Variants in MMP1 observed in about 807,000 individuals in gnomAD.
MMP1 encodes matrix metallopeptidase 1.
Under a neutral mutation model 49.6 loss-of-function variants are expected in MMP1, and 51 were observed. The observed-to-expected ratio is 1.03, with a 90% CI of 0.82 to 1.30. MMP1 has a LOEUF of 1.30. Ranked by LOEUF, MMP1 falls within the 50% of genes most tolerant of loss-of-function variation. The probability of loss-of-function intolerance (pLI) is 0.00; values close to 1 mark genes in which losing one functional copy is unlikely to be tolerated. For missense variants in MMP1, 623 were observed against 568.7 expected (o/e 1.10, Z -0.97); for synonymous variants, 230 against 196.8 (o/e 1.17, Z -1.41).
Position 102,795,460 on chromosome 11 carries a change from G to C in MMP1, c.773C>G (p.Ala258Gly), listed in dbSNP as rs1400045831. The change falls in exon 5 of 10, where the codon GCC (alanine) becomes GGC (glycine). Residue 258 changes from alanine (A) to glycine (G), a missense_variant. Ala to Gly is a moderately conservative substitution (Grantham distance 60, BLOSUM62 0). Transcript: ENST00000315274. ...TTTTTCCCCATACTCACCATATATG[G>C]CTTGGATGCCATCAATGTCATCCTG... is the stretch of plus-strand genomic sequence containing the variant. Reference protein sequence around the residue: ...LAQDDIDGIQAIYGRSQNPVQ... With the variant: ...LAQDDIDGIQGIYGRSQNPVQ... 9 of 1,613,470 alleles carry C rather than the reference G, an allele frequency of 5.6e-6. No individual in the cohort carries two copies. The highest frequency in any genetic ancestry group is 8.5e-7 in the Non-Finnish European group (1 of 1,179,904).
chr11:102,792,789 T>C (rs1858069486), intron 6 of MMP1, 51 bp from the exon 7 acceptor site: 4 of 1,553,320 alleles, frequency 2.6e-6, no homozygotes, highest in Non-Finnish European at 3.5e-6. Flanking sequence ...TGGTAATCTC[T>C]GGCAGATATC....
At chr11:102,792,364 A>C (rs1156627747) in intron 7 of MMP1, among the ~76,000 whole-genome samples, 2 of 152,204 alleles carry the variant, frequency 1.3e-5, no homozygotes, top group Non-Finnish European at 2.9e-5. Flanking sequence ...ATTTTTGTAA[A>C]TCTAGATTCA....
chr11:102,789,944 T>C lies in MMP1; in HGVS notation c.*468A>G, dbSNP rs1363333461. The C allele has an allele frequency of 6.6e-6, 1 of 152,352 alleles. No individual in the cohort carries two copies. Among genetic ancestry groups the C allele is most frequent in the Non-Finnish European group, 1.5e-5 (1 of 68,138 alleles). The allele number at this position is 152,352 out of a possible 1,614,324, so 9.4% of individuals were successfully genotyped here. On this transcript the variant is annotated 3_prime_UTR_variant, in exon 10 of 10. Coordinates refer to ENST00000315274, the MANE Select transcript of MMP1 (RefSeq NM_002421.4). ...TAAAACAGTAGAAACAAGGTTGACT[T>C]TATTCCAAACATAAAACACTTATTT...
rs758013768 is a variant in MMP1, at chr11:102,795,225, G to T, written c.848C>A (p.Thr283Asn). 2.4e-5 allele frequency: 39 copies of T among 1,613,996 alleles called. No individual in the cohort carries two copies. The highest frequency in any genetic ancestry group is 3.2e-5 in the Non-Finnish European group (38 of 1,180,000). The change falls in exon 6 of 10, where the codon ACC becomes AAC. Residue 283 changes from threonine (T) to asparagine (N), a missense_variant. Thr to Asn is a moderately conservative substitution (Grantham distance 65). Coordinates refer to ENST00000315274, the MANE Select transcript of MMP1 (RefSeq NM_002421.4). ...CCGAATCGTAGTTATAGCATCAAAG[G>T]TTAGCTTACTGTCACACGCTTTTGG... ...QTPKACDSKL[T>N]FDAITTIRGE...
At chr11:102,790,608 A>G in intron 9 of MMP1, 87 bp from the exon 10 acceptor site, 1 of 1,293,968 alleles carries the variant, frequency 7.7e-7, no homozygotes, top group South Asian at 1.2e-5. Flanking sequence ...TTCATCTGTG[A>G]GCACAGATAT....
chr11:102,792,675 C>A lies in MMP1; in HGVS notation c.963G>T (p.Trp321Cys), dbSNP rs769079996. The change falls in exon 7 of 10, where the codon TGG (tryptophan) becomes TGT (cysteine). Residue 321 changes from tryptophan (W) to cysteine (C), a missense_variant. Transcript: ENST00000315274. ...CTTCAAGCCCATTTGGCAGTTGTGG[C>A]CAGAAAACAGAAATGAAATTGAGCT... ...EVELNFISVFWPQLPNGLEAA... is the reference protein window; with the variant it reads ...EVELNFISVFCPQLPNGLEAA... 1.9e-6 allele frequency: 3 copies of A among 1,613,742 alleles called. No individual in the cohort carries two copies. In the Admixed American group the frequency reaches 5.0e-5, roughly 27 times the overall value.
At position 102,795,277 on chromosome 11, in the gene MMP1, G is replaced by A. The variant is rs1858150119; in HGVS notation, c.796C>T (p.Pro266Ser). The A allele has an allele frequency of 2.0e-5, 32 of 1,614,072 alleles. No individual in the cohort carries two copies. Among genetic ancestry groups the A allele is most frequent in the Non-Finnish European group, 2.6e-5 (31 of 1,179,998 alleles). The part of the protein sequence containing the change: ...IQAIYGRSQN[P>S]VQPIGPQTPK... ...GTTTGTGGGCCGATGGGCTGGACAG[G>A]ATTTTGGGAACGTCCTAAGGAAAAT... Residue 266 changes from proline (P) to serine (S), a missense_variant, in exon 6 of 10, where the codon CCT (proline) becomes TCT (serine). By Grantham distance (74) the Pro-to-Ser change is moderately conservative (BLOSUM62 -1). Coordinates refer to ENST00000315274, the MANE Select transcript of MMP1 (RefSeq NM_002421.4).
chr11:102,797,336 G>C lies in MMP1; in HGVS notation c.270C>G (p.Pro90=), dbSNP rs1339635788. Residue 90 remains proline, a synonymous_variant, in exon 2 of 10, where the codon CCC becomes CCG. Coordinates refer to ENST00000315274, the MANE Select transcript of MMP1 (RefSeq NM_002421.4). ...DAETLKVMKQ[P]RCGVPDVAQF... ...GAGCCACATCAGGCACTCCACATCT[G>C]GGCTGCTTCATCACCTTCAGGGTTT... 2 of 1,614,022 alleles carry C rather than the reference G, an allele frequency of 1.2e-6. No individual in the cohort carries two copies.
At chr11:102,795,332 T>C (rs1390513149) in intron 5 of MMP1, 41 bp from the exon 6 acceptor site, 2 of 1,606,728 alleles carry the variant, frequency 1.2e-6, no homozygotes, top group Admixed American at 1.7e-5. Context: ...TTGCCTAGTA[T>C]TAGAAAACTA....
intron 8 of MMP1, 88 bp from the exon 9 acceptor site, chr11:102,790,894 T>G (rs1269899286): frequency 2.6e-6 from 2 of 770,990 alleles, no homozygotes; most frequent in Non-Finnish European, 4.5e-6. Flanking sequence ...ATGAGGAATT[T>G]AACCAGAATA....
At position 102,796,585 on chromosome 11, in the gene MMP1, C is replaced by G; in HGVS notation, c.625+79G>C. ...AAATATATACTTCTATGAATGCATT[C>G]TTTCAACTAAATCAACCAATATTAC... On this transcript the variant is annotated intron_variant, in intron 4 of 9. Transcript: ENST00000315274. The G allele has an allele frequency of 2.7e-6, 4 of 1,500,790 alleles. No individual in the cohort carries two copies. In the South Asian group the frequency reaches 5.3e-5, roughly 20 times the overall value. 93.0% of individuals were successfully genotyped at this position (1,500,790 alleles called of 1,614,324 possible). A position where few individuals can be genotyped will look rare whatever the true frequency, so the allele number is the denominator to read the frequency against.
chr11:102,792,492 C>T lies in MMP1; in HGVS notation c.1033+113G>A, dbSNP rs561438318. 71 of 1,078,006 alleles carry T rather than the reference C, an allele frequency of 6.6e-5. No homozygotes were observed. The African/African-American group carries it at 1.0e-3, about 15-fold the overall frequency. The allele number at this position is 1,078,006 out of a possible 1,614,324, so 66.8% of individuals were successfully genotyped here. A position where few individuals can be genotyped will look rare whatever the true frequency, so the allele number is the denominator to read the frequency against. ...ACTTTCATTGATTTGGTTGGTGAGA[C>T]TGAGATTTTCAAAAGTCCCTGGAGA... On this transcript the variant is annotated intron_variant, in intron 7 of 9. Coordinates refer to ENST00000315274, the MANE Select transcript of MMP1 (RefSeq NM_002421.4).
intron 4 of MMP1, among the ~76,000 whole-genome samples, chr11:102,796,321 G>T (rs560145844): frequency 1.3e-5 from 2 of 152,276 alleles, no homozygotes; most frequent in South Asian, 4.1e-4. Flanking sequence ...AACACAAAAA[G>T]CCTTCCTTTT....
chr11:102,790,653 T>C (rs762524444), intron 9 of MMP1, 50 bp downstream of exon 9: 1 of 1,372,074 alleles, frequency 7.3e-7, no homozygotes, highest in Non-Finnish European at 1.0e-6. Context: ...ACAATAATGA[T>C]GTTATTGCTA....
At chr11:102,792,439 G>A (rs992492303) in intron 7 of MMP1, among the ~76,000 whole-genome samples, 166 bp downstream of exon 7, 4 of 152,134 alleles carry the variant, frequency 2.6e-5, no homozygotes, top group African/African-American at 7.2e-5. Context: ...TCCAAAATGC[G>A]CTACGCACCG....
chr11:102,792,865 C>A, intron 6 of MMP1, 127 bp from the exon 7 acceptor site: 1 of 829,548 alleles, frequency 1.2e-6, no homozygotes. Flanking sequence ...ATTCAGCTCT[C>A]CAAAGAAGGG....
Position 102,790,228 on chromosome 11 carries a change from A to T in MMP1, c.*184T>A. 2.3e-6 allele frequency: 1 copy of T among 433,156 alleles called. No individual in the cohort carries two copies. The highest frequency in any genetic ancestry group is 4.1e-6 in the Non-Finnish European group (1 of 244,172). The allele number at this position is 433,156 out of a possible 1,614,324, so 26.8% of individuals were successfully genotyped here. On this transcript the variant is annotated 3_prime_UTR_variant, in exon 10 of 10. Transcript: ENST00000315274. ...TACCCACCATTTGTGGAACTAAATTATATCAGTACAAAAAGGGCTACATTC... is the reference window on the plus strand; with the variant it reads ...TACCCACCATTTGTGGAACTAAATTTTATCAGTACAAAAAGGGCTACATTC...
At chr11:102,796,623 AG>A in intron 4 of MMP1, 40 bp downstream of exon 4, 1 of 1,592,968 alleles carries the variant, frequency 6.3e-7, no homozygotes, top group East Asian at 2.2e-5. Context: ...TGAAACATGA[AG>A]GGGTGGGAGA....
At position 102,792,593 on chromosome 11, in the gene MMP1, TAGAA is replaced by T; in HGVS notation, c.1033+8_1033+11del. On this transcript the variant is annotated splice_region_variant and intron_variant, in intron 7 of 9. Coordinates refer to ENST00000315274, the MANE Select transcript of MMP1 (RefSeq NM_002421.4). ...ATTTATTAAAGCAGTGAAAAATAAT[TAGAA>T]AGATTACCTTTGAAAAACCGGACTT... is the stretch of plus-strand genomic sequence containing the variant. 1 of 1,612,186 alleles carries T rather than the reference TAGAA, an allele frequency of 6.2e-7. No individual in the cohort carries two copies. Among genetic ancestry groups the T allele is most frequent in the Non-Finnish European group, 8.5e-7 (1 of 1,178,896 alleles).
Sources: gnomAD v4.1 joint callset for allele counts (sites outside exome capture counted in the v4.1 genomes callset) on GRCh38, gnomAD v4.1.1 for gene constraint, MANE v1.5 for transcripts, NCBI Gene and HGNC (gene_info 2026-07-23, HGNC 2026-07-21) for gene names.